The following MICU1 variants were observed in gnomAD, a reference collection of about 807,000 sequenced individuals.
MICU1 encodes the protein mitochondrial calcium uptake 1.
A neutral mutation model predicts 56.8 loss-of-function variants in MICU1; 45 were observed. The ratio of observed to expected loss-of-function variants is 0.79; its 90% CI spans 0.62 to 1.02. The LOEUF (loss-of-function observed/expected upper bound fraction) is 1.02. Ranked by LOEUF, MICU1 falls within the 50% of genes least tolerant of loss-of-function variation. The pLI, the probability that MICU1 is intolerant of heterozygous loss-of-function variation, is 0.00. For missense variants in MICU1, 504 were observed against 587.1 expected, an observed-to-expected ratio of 0.86 and a Z score of 1.46; for synonymous variants, 186 against 195.1, an observed-to-expected ratio of 0.95 and a Z score of 0.39.
rs536446337 is a variant in MICU1, at chr10:72,608,746, A to G, written c.-2+17264T>C. Among the ~76,000 whole-genome samples the G allele has an allele frequency of 7.9e-4, 120 of 152,310 alleles. 1 individual carries two copies. The Middle Eastern group carries it at 0.017, about 22-fold the overall frequency. ...TCGGCCTAAATGTTTCTCCATACTT[A>G]ACTGTAACCTAACGATGTATAAATA... On this transcript the variant is annotated intron_variant, in intron 1 of 11. Coordinates refer to ENST00000361114, the MANE Select transcript of MICU1 (RefSeq NM_001195518.2).
chr10:72,477,540 A>C, intron 6 of MICU1: 1 of 1,535,460 alleles, frequency 6.5e-7, no homozygotes, highest in Non-Finnish European at 8.7e-7. Flanking sequence ...CTTTGCTTTC[A>C]GAGACACCAT....
intron 2 of MICU1, among the ~76,000 whole-genome samples, chr10:72,563,950 C>T (rs1840361238): frequency 6.6e-6 from 1 of 151,808 alleles, no homozygotes; most frequent in African/African-American, 2.4e-5. Flanking sequence ...CCTTTCACTA[C>T]AATAAAAAGG....
At chr10:72,530,294 T>C (rs1364229307) in intron 5 of MICU1, among the ~76,000 whole-genome samples, 1 of 148,482 alleles carries the variant, frequency 6.7e-6, no homozygotes, top group African/African-American at 2.5e-5. Flanking sequence ...GATCACGACA[T>C]TGCACTCCAG....
chr10:72,498,403 C>T (rs932849181), intron 6 of MICU1, among the ~76,000 whole-genome samples: 3 of 151,996 alleles, frequency 2.0e-5, no homozygotes, highest in Non-Finnish European at 4.4e-5. Context: ...CTGGCCAACA[C>T]GGTGAAACCC....
intron 9 of MICU1, among the ~76,000 whole-genome samples, chr10:72,412,285 T>C (rs755495285): frequency 1.3e-5 from 2 of 152,226 alleles, no homozygotes; most frequent in Non-Finnish European, 2.9e-5. Context: ...CTACAACTTA[T>C]GAAACAATCT....
At chr10:72,400,255 T>C (rs1362499744) in intron 10 of MICU1, among the ~76,000 whole-genome samples, 1 of 152,164 alleles carries the variant, frequency 6.6e-6, no homozygotes, top group Non-Finnish European at 1.5e-5. Flanking sequence ...TCTTTCTTTT[T>C]TTTAATCACT....
intron 1 of MICU1, among the ~76,000 whole-genome samples, chr10:72,601,002 C>G (rs1182027049): frequency 6.6e-6 from 1 of 152,146 alleles, no homozygotes; most frequent in African/African-American, 2.4e-5. Context: ...GGTAATTTAT[C>G]TCCTCAGGGG....
At chr10:72,410,804 A>G (rs539516623) in intron 9 of MICU1, among the ~76,000 whole-genome samples, 1 of 152,262 alleles carries the variant, frequency 6.6e-6, no homozygotes, top group African/African-American at 2.4e-5. Flanking sequence ...TGCATACCAT[A>G]GTATGCTATT....
At chr10:72,503,392 C>T (rs532122658) in intron 6 of MICU1, among the ~76,000 whole-genome samples, 11 of 152,220 alleles carry the variant, frequency 7.2e-5, no homozygotes, top group Admixed American at 5.2e-4. Context: ...AGCACATAGA[C>T]GACATTTAGC....
intron 5 of MICU1, among the ~76,000 whole-genome samples, chr10:72,520,250 A>T (rs1237375923): frequency 6.6e-6 from 1 of 152,158 alleles, no homozygotes; most frequent in Non-Finnish European, 1.5e-5. Context: ...ACACTTCATT[A>T]TCTAGTTGGT....
intron 8 of MICU1, among the ~76,000 whole-genome samples, chr10:72,448,417 G>A (rs556378009): frequency 1.7e-4 from 26 of 150,752 alleles, no homozygotes; most frequent in Admixed American, 2.7e-4. Context: ...CAAGTCATCC[G>A]CCCACCTTGG....
chr10:72,486,367 G>C (rs1423901663), intron 6 of MICU1, among the ~76,000 whole-genome samples: 1 of 152,154 alleles, frequency 6.6e-6, no homozygotes, highest in Non-Finnish European at 1.5e-5. Flanking sequence ...TAGATATAAA[G>C]GACAAACTGA....
chr10:72,450,541 G>A (rs1865263236), intron 8 of MICU1, among the ~76,000 whole-genome samples: 1 of 151,936 alleles, frequency 6.6e-6, no homozygotes. Flanking sequence ...CACATTCCGG[G>A]GAACTAACTC....
intron 1 of MICU1, among the ~76,000 whole-genome samples, chr10:72,580,526 G>C (rs903684477): frequency 6.6e-6 from 1 of 151,418 alleles, no homozygotes; most frequent in Non-Finnish European, 1.5e-5. Flanking sequence ...ACCCAGGCTG[G>C]AGTGCAAAGG....
chr10:72,403,100 G>A (rs917606093), intron 10 of MICU1, among the ~76,000 whole-genome samples: 7 of 152,076 alleles, frequency 4.6e-5, no homozygotes, highest in African/African-American at 7.2e-5. Flanking sequence ...AGCTGGGGCC[G>A]GGCGCGGTGG....
At chr10:72,520,117 C>T (rs1343168043) in intron 5 of MICU1, among the ~76,000 whole-genome samples, 1 of 152,102 alleles carries the variant, frequency 6.6e-6, no homozygotes, top group African/African-American at 2.4e-5. Flanking sequence ...CTGGAAAATA[C>T]AATTTTGGCA....
intron 1 of MICU1, among the ~76,000 whole-genome samples, chr10:72,604,036 G>T (rs1270786299): frequency 6.6e-6 from 1 of 152,000 alleles, no homozygotes; most frequent in Non-Finnish European, 1.5e-5. Context: ...TTAGTAGTAT[G>T]GGCCAATCTG....
intron 8 of MICU1, among the ~76,000 whole-genome samples, chr10:72,428,213 T>C (rs1864412883): frequency 6.6e-6 from 1 of 152,208 alleles, no homozygotes; most frequent in African/African-American, 2.4e-5. Flanking sequence ...GTTTAGTGCC[T>C]TCAGCAGGGG....
rs182073196 is a variant in MICU1 at position 72,551,297 on chromosome 10, G to T, written c.375C>A (p.Asp125Glu). ...ENRIRAYSTP[D>E]KIFRYFATLK... ...AGGTGGCAAAATATCGGAAGATTTT[G>T]TCTGGCGTGGAGTAGGCTCGAATCC... The change falls in exon 4 of 12, where the codon GAC becomes GAA. Residue 125 changes from aspartate (D) to glutamate (E), a missense_variant. By Grantham distance (45) the Asp-to-Glu change is conservative. Coordinates refer to ENST00000361114, the MANE Select transcript of MICU1 (RefSeq NM_001195518.2). 2 of 1,613,294 alleles carry T rather than the reference G, an allele frequency of 1.2e-6. No homozygotes were observed. Among genetic ancestry groups the T allele is most frequent in the Non-Finnish European group, 1.7e-6 (2 of 1,179,578 alleles).
Sources: allele counts gnomAD v4.1 joint callset (sites outside exome capture counted in the v4.1 genomes callset), GRCh38; gene constraint gnomAD v4.1.1; transcripts MANE v1.5; gene names NCBI Gene and HGNC (gene_info 2026-07-23, HGNC 2026-07-21).